The following CSMD1 variants were observed in gnomAD, a reference collection of about 807,000 sequenced individuals.
CSMD1 encodes the protein CUB and Sushi multiple domains 1.
Under a neutral mutation model 417.5 loss-of-function variants are expected in CSMD1, and 213 were observed. The ratio of observed to expected loss-of-function variants is 0.51; its 90% CI spans 0.46 to 0.57. CSMD1 has a LOEUF of 0.57. Among genes scored for constraint, CSMD1 ranks in the 20% least tolerant of loss-of-function variants. The probability of loss-of-function intolerance (pLI) is 0.00; values close to 1 mark genes in which losing one functional copy is unlikely to be tolerated. For missense variants in CSMD1, 6,923 were observed against 4,529.7 expected, an observed-to-expected ratio of 1.53 and a Z score of -15.17; for synonymous variants, 2,862 against 1,736.8, an observed-to-expected ratio of 1.65 and a Z score of -16.11.
At chr8:4,264,993 G>T (rs1804149660) in intron 3 of CSMD1, among the ~76,000 whole-genome samples, 1 of 152,138 alleles carries the variant, frequency 6.6e-6, no homozygotes. Flanking sequence ...CAATTAAGAA[G>T]CACTTATCAA....
At chr8:3,687,166 G>A (rs553263056) in intron 7 of CSMD1, among the ~76,000 whole-genome samples, 3 of 152,182 alleles carry the variant, frequency 2.0e-5, no homozygotes, top group African/African-American at 7.2e-5. Flanking sequence ...ACCTCTGAAC[G>A]CACCTCCGTG....
At chr8:4,700,238 G>A (rs1348254265) in intron 1 of CSMD1, among the ~76,000 whole-genome samples, 1 of 152,022 alleles carries the variant, frequency 6.6e-6, no homozygotes, top group East Asian at 1.9e-4. Context: ...ATCAAAGAAA[G>A]AACCTCTTGT....
In CSMD1 at chr8:4,451,033, G is replaced by A. The variant is rs552626675; in HGVS notation, c.303-30968C>T. ...TGACCAACGTGGGGAAAAAAAAAAT[G>A]GAATTTAGTGAATTCTGCACTGCTC... On this transcript the variant is annotated intron_variant, in intron 2 of 69. Transcript: ENST00000635120. 3.9e-4 allele frequency among the ~76,000 whole-genome samples: 59 copies of A among 151,988 alleles called. 1 individual carries two copies. Among genetic ancestry groups the A allele is most frequent in the South Asian group, 2.5e-3 (12 of 4,804 alleles).
intron 1 of CSMD1, among the ~76,000 whole-genome samples, chr8:4,857,642 G>T (rs191506202): frequency 1.3e-5 from 2 of 152,020 alleles, no homozygotes; most frequent in Admixed American, 6.6e-5. Context: ...ACACCTCTAC[G>T]CAAATAAACT....
chr8:4,344,737 A>G (rs1341761167), intron 3 of CSMD1, among the ~76,000 whole-genome samples: 1 of 152,146 alleles, frequency 6.6e-6, no homozygotes, highest in Non-Finnish European at 1.5e-5. Flanking sequence ...AAAGAATATA[A>G]AAGTTGCCAT....
intron 3 of CSMD1, among the ~76,000 whole-genome samples, chr8:4,155,880 C>T (rs898504843): frequency 1.3e-5 from 2 of 152,126 alleles, no homozygotes; most frequent in Non-Finnish European, 2.9e-5. Flanking sequence ...CATCCTATAG[C>T]CCTCTCTGTT....
chr8:4,306,338 T>C (rs1250592619), intron 3 of CSMD1, among the ~76,000 whole-genome samples: 1 of 152,226 alleles, frequency 6.6e-6, no homozygotes, highest in Non-Finnish European at 1.5e-5. Context: ...ATCACCATTT[T>C]TACTCCTTTA....
At chr8:3,207,136 T>C (rs1055511769) in intron 30 of CSMD1, among the ~76,000 whole-genome samples, 21 of 140,382 alleles carry the variant, frequency 1.5e-4, no homozygotes, top group Admixed American at 8.4e-4. Flanking sequence ...CATTTTCTTT[T>C]TTTTTTTTCA....
intron 7 of CSMD1, among the ~76,000 whole-genome samples, chr8:3,694,519 G>C (rs529095867): frequency 1.3e-5 from 2 of 152,130 alleles, no homozygotes; most frequent in Non-Finnish European, 2.9e-5. Flanking sequence ...CAGTCTTTAA[G>C]ATCAGGAGGC....
chr8:4,050,643 G>C (rs544006356), intron 3 of CSMD1, among the ~76,000 whole-genome samples: 5 of 151,944 alleles, frequency 3.3e-5, no homozygotes, highest in African/African-American at 1.2e-4. Context: ...TCAAATACTA[G>C]ATCTTATTCG....
At chr8:4,974,081 T>G (rs1374604237) in intron 1 of CSMD1, among the ~76,000 whole-genome samples, 1 of 152,174 alleles carries the variant, frequency 6.6e-6, no homozygotes, top group Admixed American at 6.5e-5. Context: ...AGAGTAGTGG[T>G]GCGATCTTGG....
intron 3 of CSMD1, among the ~76,000 whole-genome samples, chr8:4,194,318 G>A (rs891343546): frequency 3.4e-4 from 51 of 152,170 alleles, no homozygotes; most frequent in African/African-American, 1.2e-3. Flanking sequence ...CTATAGGATG[G>A]GATTTAGAAG....
chr8:3,199,370 C>A (rs1050342051), intron 33 of CSMD1, among the ~76,000 whole-genome samples: 1 of 151,856 alleles, frequency 6.6e-6, no homozygotes, highest in Admixed American at 6.6e-5. Flanking sequence ...TTACTAAGAT[C>A]TCAACTATTT....
intron 23 of CSMD1, among the ~76,000 whole-genome samples, chr8:3,314,855 G>A (rs1391667944): frequency 6.6e-6 from 1 of 152,184 alleles, no homozygotes; most frequent in East Asian, 1.9e-4. Flanking sequence ...AAGAGAACCG[G>A]CTCCAGACTT....
intron 21 of CSMD1, among the ~76,000 whole-genome samples, chr8:3,350,811 A>G (rs13439735): frequency 2.0e-5 from 3 of 152,070 alleles, no homozygotes; most frequent in African/African-American, 7.2e-5. Context: ...CAAAAGAAAT[A>G]ATTTTACATG....
rs370474915 is a variant in CSMD1, at chr8:4,035,215, C to A, written c.416-3116G>T. 6.6e-5 allele frequency among the ~76,000 whole-genome samples: 10 copies of A among 152,180 alleles called. No individual in the cohort carries two copies. In the East Asian group the frequency reaches 1.7e-3, roughly 26 times the overall value. ...AGGTCGTAGTGCCAGCTATGATGCA[C>A]GTGTCTGTGGTGACGCCGGTGTGAA... On this transcript the variant is annotated intron_variant, in intron 3 of 69. Transcript: ENST00000635120.
At chr8:3,085,386 TA>T (rs1814454648) in intron 49 of CSMD1, among the ~76,000 whole-genome samples, 1 of 152,220 alleles carries the variant, frequency 6.6e-6, no homozygotes, top group Non-Finnish European at 1.5e-5. Flanking sequence ...AAATATTTTA[TA>T]ATTTGAGAAC....
chr8:4,523,551 A>G (rs560464795), intron 2 of CSMD1, among the ~76,000 whole-genome samples: 38 of 152,254 alleles, frequency 2.5e-4, no homozygotes, highest in Non-Finnish European at 4.1e-4. Context: ...ACACACATGC[A>G]GACAGAATAT....
At chr8:4,501,971 T>C (rs1359044770) in intron 2 of CSMD1, among the ~76,000 whole-genome samples, 1 of 152,124 alleles carries the variant, frequency 6.6e-6, no homozygotes, top group Non-Finnish European at 1.5e-5. Flanking sequence ...GAGGTGTAAC[T>C]GAAATGCATT....
Sources: gnomAD v4.1 joint callset for allele counts (sites outside exome capture counted in the v4.1 genomes callset) on GRCh38, gnomAD v4.1.1 for gene constraint, MANE v1.5 for transcripts, NCBI Gene and HGNC (gene_info 2026-07-23, HGNC 2026-07-21) for gene names.